Variants in PRKDC observed in about 807,000 individuals in gnomAD.
PRKDC encodes DNA-dependent protein kinase catalytic subunit.
A neutral mutation model predicts 486.9 loss-of-function variants in PRKDC; 82 were observed. The observed-to-expected ratio is 0.17, with a 90% CI of 0.14 to 0.20. The LOEUF is 0.20. Among genes scored for constraint, PRKDC ranks in the 10% least tolerant of loss-of-function variants. The pLI is 1.00. For missense variants in PRKDC, 4,504 were observed against 5,038.2 expected (o/e 0.89, Z 3.21); for synonymous variants, 1,895 against 1,837.0 (o/e 1.03, Z -0.81).
At chr8:47,835,144 T>A (rs1257821201) in intron 58 of PRKDC, among the ~76,000 whole-genome samples, 1 of 152,236 alleles carries the variant, frequency 6.6e-6, no homozygotes, top group Non-Finnish European at 1.5e-5. Flanking sequence ...CTACAATTTG[T>A]ACTTTGCTCA....
chr8:47,915,344 G>T lies in PRKDC; in HGVS notation c.2601C>A (p.Asn867Lys). 2 of 1,544,838 alleles carry T rather than the reference G, an allele frequency of 1.3e-6. No homozygotes were observed. The highest frequency in any genetic ancestry group is 2.0e-5 in the Admixed American group (1 of 50,970). Reference protein sequence around the residue: ...QMLGSLGGQINKNLLTVTSSD... With the variant: ...QMLGSLGGQIKKNLLTVTSSD... ...GAAGTTTACCTGTCAGAAGATTTTT[G>T]TTTATTTGTCCTCCTAGAGATCCAA... The change falls in exon 23 of 86, where the codon AAC becomes AAA. Residue 867 changes from asparagine (N) to lysine (K), a missense_variant. Asn to Lys is a moderately conservative substitution (Grantham distance 94). Around this residue, in one of 6 missense-constraint regions of PRKDC, gnomAD observed 1,969 missense variants for 2,068.9 expected, o/e 0.95. Coordinates refer to ENST00000314191, the MANE Select transcript of PRKDC (RefSeq NM_006904.7).
At position 47,796,872 on chromosome 8, in the gene PRKDC, G is replaced by A. The variant is rs192872586; in HGVS notation, c.10458+1365C>T. Reference sequence around the variant, plus strand: ...CTCCCAAAGTGGTGAGATTACAGGCGTGAGCCACTGCACCTGGCTTTTTAT... The same window carrying A: ...CTCCCAAAGTGGTGAGATTACAGGCATGAGCCACTGCACCTGGCTTTTTAT... On this transcript the variant is annotated intron_variant, in intron 73 of 85. Transcript: ENST00000314191. 1.4e-4 allele frequency among the ~76,000 whole-genome samples: 22 copies of A among 152,230 alleles called. No homozygotes were observed. In the East Asian group the frequency reaches 2.3e-3, roughly 16 times the overall value.
chr8:47,775,673 T>C (rs1446970449), intron 85 of PRKDC, among the ~76,000 whole-genome samples: 1 of 152,110 alleles, frequency 6.6e-6, no homozygotes, highest in Non-Finnish European at 1.5e-5. Flanking sequence ...TGAAACACCT[T>C]CTTGATAGCA....
intron 66 of PRKDC, among the ~76,000 whole-genome samples, chr8:47,820,220 C>T (rs1245249930): frequency 1.3e-5 from 2 of 152,108 alleles, no homozygotes; most frequent in Non-Finnish European, 2.9e-5. Flanking sequence ...CAAGACCAGC[C>T]TGGCCAACAT....
chr8:47,934,090 C>G lies in PRKDC; in HGVS notation c.1498G>C (p.Gly500Arg). ...TGGTCTTCAGATTCAGACTCAGGGC[C>G]CTGGCCAGAAAGACAGCATGACAAT... ...ICSKPVVLPK[G>R]PESESEDHRA... The change falls in exon 15 of 86, where the codon GGC becomes CGC. Residue 500 changes from glycine (G) to arginine (R), a missense_variant and splice_region_variant. Physicochemically the swap from Gly to Arg is moderately radical, Grantham distance 125. Transcript: ENST00000314191. 2 of 1,611,886 alleles carry G rather than the reference C, an allele frequency of 1.2e-6. No individual in the cohort carries two copies. Among genetic ancestry groups the G allele is most frequent in the Non-Finnish European group, 1.7e-6 (2 of 1,178,874 alleles).
At chr8:47,952,779 G>A (rs568334335) in intron 7 of PRKDC, among the ~76,000 whole-genome samples, 14 of 152,106 alleles carry the variant, frequency 9.2e-5, no homozygotes, top group South Asian at 4.2e-4. Context: ...TGAGGCAGGC[G>A]GATCACCAGA....
At chr8:47,931,156 A>C (rs1384381688) in intron 16 of PRKDC, among the ~76,000 whole-genome samples, 1 of 152,262 alleles carries the variant, frequency 6.6e-6, no homozygotes, top group East Asian at 1.9e-4. Context: ...GTAGTAAGAA[A>C]GATAAATGAA....
At chr8:47,932,176 C>A (rs1484222096) in intron 16 of PRKDC, among the ~76,000 whole-genome samples, 1 of 152,120 alleles carries the variant, frequency 6.6e-6, no homozygotes. Context: ...CTCCACCTCC[C>A]AGGTTCATGC....
intron 74 of PRKDC, among the ~76,000 whole-genome samples, chr8:47,792,541 A>G (rs779197531): frequency 2.0e-5 from 3 of 152,124 alleles, no homozygotes; most frequent in Non-Finnish European, 4.4e-5. Flanking sequence ...TACAGGCGTG[A>G]GCCACCGCAC....
In PRKDC at chr8:47,782,252, A is replaced by G; in HGVS notation, c.11399T>C (p.Leu3800Ser). The part of the protein sequence containing the change: ...TYSVVPMTSR[L>S]GLIEWLENTV... ...ATTTTCAAGCCACTCAATTAATCCTAACCTGAAAGGGAGAATAAAAGGTTA... is the reference window on the plus strand; with the variant it reads ...ATTTTCAAGCCACTCAATTAATCCTGACCTGAAAGGGAGAATAAAAGGTTA... Residue 3800 changes from leucine (L) to serine (S), a missense_variant and splice_region_variant, in exon 80 of 86, where the codon TTA becomes TCA. By Grantham distance (145) the Leu-to-Ser change is moderately radical. Around this residue, in one of 6 missense-constraint regions of PRKDC, gnomAD observed 706 missense variants for 945.0 expected, o/e 0.75. Transcript: ENST00000314191. The surrounding 1 kb of genome is among the most constrained non-coding windows in gnomAD (Gnocchi z 4.9). 1 of 1,613,584 alleles carries G rather than the reference A, an allele frequency of 6.2e-7. No homozygotes were observed. Among genetic ancestry groups the G allele is most frequent in the Non-Finnish European group, 8.5e-7 (1 of 1,179,474 alleles).
intron 25 of PRKDC, among the ~76,000 whole-genome samples, chr8:47,909,914 G>A (rs1360766930): frequency 6.6e-6 from 1 of 152,194 alleles, no homozygotes; most frequent in African/African-American, 2.4e-5. Flanking sequence ...ACAATCCACA[G>A]TGGGACATAG....
chr8:47,894,620 T>C (rs1465651139), intron 30 of PRKDC, among the ~76,000 whole-genome samples: 2 of 152,054 alleles, frequency 1.3e-5, no homozygotes, highest in African/African-American at 4.8e-5. Flanking sequence ...ACGCTGAGTC[T>C]CAGTATTCAG....
intron 7 of PRKDC, among the ~76,000 whole-genome samples, chr8:47,949,339 G>T (rs2090589570): frequency 6.6e-6 from 1 of 152,234 alleles, no homozygotes; most frequent in South Asian, 2.1e-4. Flanking sequence ...AAGTCACTGT[G>T]TAACTTGGGG....
chr8:47,794,528 C>T (rs1390860531), intron 73 of PRKDC, 27 bp from the exon 74 acceptor site: 5 of 1,501,338 alleles, frequency 3.3e-6, no homozygotes, highest in Non-Finnish European at 3.7e-6. Flanking sequence ...AAACTTAATG[C>T]TGAGTAAAAC....
chr8:47,863,881 C>T (rs928346361), intron 41 of PRKDC, among the ~76,000 whole-genome samples: 1 of 152,148 alleles, frequency 6.6e-6, no homozygotes, highest in African/African-American at 2.4e-5. Context: ...ATCCAAAATT[C>T]TCAGCTATTT....
rs1377398443 is a variant in PRKDC at position 47,782,952 on chromosome 8, A to C, written c.11176-354T>G. ...TTGAGTTTATGATATCTTAAATAGA[A>C]CTGTTGTTCAAACACTGGAGACATA... On this transcript the variant is annotated intron_variant, in intron 78 of 85. Transcript: ENST00000314191. The surrounding 1 kb of genome is among the most constrained non-coding windows in gnomAD (Gnocchi z 4.9). 1 of 264,994 alleles carries C rather than the reference A, an allele frequency of 3.8e-6. No homozygotes were observed. Among genetic ancestry groups the C allele is most frequent in the Non-Finnish European group, 7.3e-6 (1 of 136,548 alleles). 16.4% of individuals were successfully genotyped at this position (264,994 alleles called of 1,614,324 possible). A position where few individuals can be genotyped will look rare whatever the true frequency, so the allele number is the denominator to read the frequency against.
intron 76 of PRKDC, among the ~76,000 whole-genome samples, chr8:47,787,386 A>G (rs2086808288): frequency 6.6e-6 from 1 of 152,248 alleles, no homozygotes; most frequent in Non-Finnish European, 1.5e-5. Flanking sequence ...CAATTCTTAG[A>G]AAGATTAGCT....
intron 36 of PRKDC, 67 bp downstream of exon 36, chr8:47,885,877 G>A (rs573772968): frequency 2.3e-5 from 35 of 1,496,152 alleles, no homozygotes; most frequent in Middle Eastern, 4.3e-4. Flanking sequence ...GGGCGAAAGT[G>A]CAAGACTCTG....
Position 47,782,394 on chromosome 8 carries a change from CA to C in PRKDC, c.11379del (p.Val3794CysfsTer3). The stretch of plus-strand genomic sequence containing the variant: ...GGCAGTTACCTGGAGGTCATGGGCA[CA>C]ACGCTATAGGTCCTCAGCTGCAGGG... Reference protein sequence around the residue: ...QRALQLRTYSVVPMTSRLGLI... With the variant: ...QRALQLRTYSXVPMTSRLGLI... On this transcript the variant is annotated frameshift_variant, in exon 79 of 86. Coordinates refer to ENST00000314191, the MANE Select transcript of PRKDC (RefSeq NM_006904.7). LOFTEE classifies it high-confidence loss of function. The surrounding 1 kb of genome is among the most constrained non-coding windows in gnomAD (Gnocchi z 4.9). The C allele has an allele frequency of 6.2e-7, 1 of 1,604,976 alleles. No homozygotes were observed.
Sources: gnomAD v4.1 joint callset for allele counts (sites outside exome capture counted in the v4.1 genomes callset) on GRCh38, gnomAD v4.1.1 for gene constraint, gnomAD v4.1.1 regional missense constraint, Gnocchi (gnomAD v3.1) non-coding constraint, MANE v1.5 for transcripts, NCBI Gene and HGNC (gene_info 2026-07-23, HGNC 2026-07-21) for gene names.